The following DOCK3 variants were observed in gnomAD, a reference collection of about 807,000 sequenced individuals.
The protein encoded by DOCK3 is dedicator of cytokinesis protein 3.
In DOCK3, 60 loss-of-function variants were observed where a neutral mutation model predicts 265.6. The observed-to-expected ratio is 0.23, with a 90% CI of 0.18 to 0.28. The LOEUF (loss-of-function observed/expected upper bound fraction) is 0.28. Ranked by LOEUF, DOCK3 falls within the 10% of genes least tolerant of loss-of-function variation. The pLI is 1.00. For missense variants in DOCK3, 1,981 were observed against 2,594.3 expected, an observed-to-expected ratio of 0.76 and a Z score of 5.14; for synonymous variants, 881 against 938.0, an observed-to-expected ratio of 0.94 and a Z score of 1.11.
intron 6 of DOCK3, among the ~76,000 whole-genome samples, chr3:51,069,769 C>T (rs1026960732): frequency 1.3e-5 from 2 of 152,154 alleles, no homozygotes; most frequent in Non-Finnish European, 2.9e-5. Flanking sequence ...GTAAGATACA[C>T]AAGCAGTAGT....
chr3:51,215,696 C>T (rs2089743487), intron 14 of DOCK3, among the ~76,000 whole-genome samples: 1 of 152,178 alleles, frequency 6.6e-6, no homozygotes. Context: ...TTTTCTGTCA[C>T]CTTCATTCTC....
chr3:50,790,229 G>T (rs577101049), intron 2 of DOCK3, among the ~76,000 whole-genome samples: 19 of 152,282 alleles, frequency 1.2e-4, no homozygotes, highest in Non-Finnish European at 1.9e-4. Flanking sequence ...GAAGACAACA[G>T]ATGCATGGTT....
chr3:51,195,600 T>C (rs1258201725), intron 12 of DOCK3, among the ~76,000 whole-genome samples: 2 of 152,066 alleles, frequency 1.3e-5, no homozygotes, highest in Non-Finnish European at 2.9e-5. Flanking sequence ...GTATTTTTAA[T>C]AGAGACGGGA....
intron 27 of DOCK3, among the ~76,000 whole-genome samples, chr3:51,285,046 A>G (rs2081334207): frequency 6.6e-6 from 1 of 152,232 alleles, no homozygotes; most frequent in South Asian, 2.1e-4. Context: ...ATTTGCAGCT[A>G]CATAACAAGA....
At chr3:51,339,133 C>T (rs928080808) in intron 37 of DOCK3, 105 bp downstream of exon 37, 1 of 975,620 alleles carries the variant, frequency 1.0e-6, no homozygotes, top group Non-Finnish European at 1.5e-6. Flanking sequence ...CAGATCTCAG[C>T]AGAATGTTGG....
chr3:51,153,683 A>G (rs2085718512), intron 10 of DOCK3, among the ~76,000 whole-genome samples: 1 of 152,208 alleles, frequency 6.6e-6, no homozygotes, highest in South Asian at 2.1e-4. Flanking sequence ...CTGAAAAGCC[A>G]TACTGTTGTT....
At chr3:51,348,400 A>C (rs907894580) in intron 38 of DOCK3, among the ~76,000 whole-genome samples, 2 of 152,238 alleles carry the variant, frequency 1.3e-5, no homozygotes, top group African/African-American at 4.8e-5. Flanking sequence ...GTGTTTCATT[A>C]TCTCATCAAA....
chr3:51,089,359 C>T, intron 8 of DOCK3, 75 bp downstream of exon 8: 3 of 1,505,512 alleles, frequency 2.0e-6, no homozygotes, highest in South Asian at 2.4e-5. Context: ...TATGAATACA[C>T]CAGGAAATGA....
At chr3:51,016,525 A>G (rs1212858467) in intron 5 of DOCK3, among the ~76,000 whole-genome samples, 1 of 62,108 alleles carries the variant, frequency 1.6e-5, no homozygotes, top group African/African-American at 8.4e-5. Context: ...ATATATTTCT[A>G]TATAATATAT....
chr3:50,935,343 G>A (rs2051298171), intron 5 of DOCK3, among the ~76,000 whole-genome samples: 1 of 152,214 alleles, frequency 6.6e-6, no homozygotes, highest in African/African-American at 2.4e-5. Flanking sequence ...GTAACAAGGG[G>A]ATGCCCCTCT....
At chr3:51,265,383 C>T (rs1038719437) in intron 23 of DOCK3, among the ~76,000 whole-genome samples, 1 of 152,160 alleles carries the variant, frequency 6.6e-6, no homozygotes, top group African/African-American at 2.4e-5. Context: ...CCAAACCTGG[C>T]AGGGACACAA....
At chr3:51,292,928 C>T (rs62257504) in intron 27 of DOCK3, among the ~76,000 whole-genome samples, 28,563 of 152,004 alleles carry the variant, frequency 0.19, 3,169 homozygotes, top group South Asian at 0.38. Context: ...AGTTAAAGAT[C>T]TGCATGTATA....
At chr3:51,165,457 AC>A (rs2086354036) in intron 12 of DOCK3, among the ~76,000 whole-genome samples, 2 of 152,212 alleles carry the variant, frequency 1.3e-5, no homozygotes, top group Non-Finnish European at 2.9e-5. Flanking sequence ...TGGTAAGAAC[AC>A]CTAATGTTTA....
intron 1 of DOCK3, among the ~76,000 whole-genome samples, chr3:50,752,804 T>C (rs959054806): frequency 2.0e-5 from 3 of 152,136 alleles, no homozygotes; most frequent in East Asian, 1.9e-4. Context: ...CCCCTACTTA[T>C]CGACTGTTAA....
chr3:50,971,994 G>A (rs1021154470), intron 5 of DOCK3, among the ~76,000 whole-genome samples: 36 of 152,218 alleles, frequency 2.4e-4, no homozygotes, highest in African/African-American at 8.4e-4. Flanking sequence ...TCATGCTCTT[G>A]TCCAGTGCTC....
rs1166339238 is a variant in DOCK3, at chr3:50,970,889, TTTTA to T, written c.315+36814_315+36817del. The stretch of plus-strand genomic sequence containing the variant: ...GCACATACTACCACACTCATCTAAT[TTTTA>T]TATATATATATATATATATATATAT... On this transcript the variant is annotated intron_variant, in intron 5 of 52. Coordinates refer to ENST00000266037, the MANE Select transcript of DOCK3 (RefSeq NM_004947.5). 4.9e-3 allele frequency among the ~76,000 whole-genome samples: 207 copies of T among 42,674 alleles called. 14 individuals are homozygous for T. The highest frequency in any genetic ancestry group is 0.011 in the East Asian group (12 of 1,106). The allele number at this position is 42,674 out of a possible 152,430, so 28.0% of individuals were successfully genotyped here.
intron 2 of DOCK3, among the ~76,000 whole-genome samples, chr3:50,799,987 A>G (rs990684963): frequency 6.6e-6 from 1 of 151,988 alleles, no homozygotes; most frequent in Non-Finnish European, 1.5e-5. Flanking sequence ...TATTGATATG[A>G]TGTATGATGT....
chr3:51,202,127 G>C (rs1330524204), intron 12 of DOCK3, among the ~76,000 whole-genome samples: 1 of 137,870 alleles, frequency 7.3e-6, no homozygotes, highest in African/African-American at 2.8e-5. Context: ...AGAAGCAAGA[G>C]CAAACACATT....
intron 10 of DOCK3, among the ~76,000 whole-genome samples, chr3:51,147,396 G>A (rs2085349433): frequency 6.6e-6 from 1 of 152,056 alleles, no homozygotes; most frequent in South Asian, 2.1e-4. Flanking sequence ...CAACATGCAG[G>A]TTTGTTACAT....
Sources: allele counts gnomAD v4.1 joint callset (sites outside exome capture counted in the v4.1 genomes callset), GRCh38; gene constraint gnomAD v4.1.1; transcripts MANE v1.5; gene names NCBI Gene and HGNC (gene_info 2026-07-23, HGNC 2026-07-21).